The following EDIL3 variants were observed in gnomAD, a reference collection of about 807,000 sequenced individuals.
The protein encoded by EDIL3 is EGF like and discoidin domains 3.
A neutral mutation model predicts 67.4 loss-of-function variants in EDIL3; 37 were observed. The ratio of observed to expected loss-of-function variants is 0.55; its 90% CI spans 0.42 to 0.72. The LOEUF is 0.72. Among genes scored for constraint, EDIL3 ranks in the 30% least tolerant of loss-of-function variants. EDIL3 has a pLI of 0.00. For synonymous variants in EDIL3, 195 were observed against 196.3 expected, an observed-to-expected ratio of 0.99 and a Z score of 0.05; for missense variants, 527 against 586.3, an observed-to-expected ratio of 0.90 and a Z score of 1.04.
chr5:84,128,364 T>C (rs542872830), intron 5 of EDIL3, among the ~76,000 whole-genome samples: 1 of 152,012 alleles, frequency 6.6e-6, no homozygotes, highest in Non-Finnish European at 1.5e-5. Context: ...TCCCGGTGGT[T>C]TGTGCTATAA....
At position 83,963,204 on chromosome 5, in the gene EDIL3, C is replaced by A; in HGVS notation, c.1293+1G>T. 1 of 1,590,366 alleles carries A rather than the reference C, an allele frequency of 6.3e-7. No individual in the cohort carries two copies. Among genetic ancestry groups the A allele is most frequent in the Non-Finnish European group, 8.5e-7 (1 of 1,170,702 alleles). The stretch of plus-strand genomic sequence containing the variant: ...TTTATAAACCGATTTGGCTGACTTA[C>A]CTTATCTTTTCTTTGCTTTTCATCC... On this transcript the variant is annotated splice_donor_variant, in intron 10 of 10. Transcript: ENST00000296591. LOFTEE classifies it high-confidence loss of function.
intron 2 of EDIL3, among the ~76,000 whole-genome samples, chr5:84,244,925 G>A (rs1259159562): frequency 1.3e-5 from 2 of 152,228 alleles, no homozygotes; most frequent in Non-Finnish European, 2.9e-5. Flanking sequence ...TGCAAGGGAT[G>A]TAGGTTGCGT....
In EDIL3 at chr5:84,071,517, A is replaced by G. The variant is rs115008072; in HGVS notation, c.652-4911T>C. Among the ~76,000 whole-genome samples the G allele has an allele frequency of 3.8e-3, 574 of 152,338 alleles. 5 individuals carry two copies. The highest frequency in any genetic ancestry group is 0.013 in the African/African-American group (554 of 41,578). The stretch of plus-strand genomic sequence containing the variant: ...ATATAAATAAGAACCAATTGGTGAT[A>G]CTGGATAATTGGACATAAAAAGATA... On this transcript the variant is annotated intron_variant, in intron 6 of 10. Coordinates refer to ENST00000296591, the MANE Select transcript of EDIL3 (RefSeq NM_005711.5).
At chr5:84,253,904 CAATT>C (rs1219275837) in intron 2 of EDIL3, among the ~76,000 whole-genome samples, 176 bp downstream of exon 2, 1 of 151,788 alleles carries the variant, frequency 6.6e-6, no homozygotes. Flanking sequence ...TTAAAGAACA[CAATT>C]AATATAATTT....
intron 5 of EDIL3, among the ~76,000 whole-genome samples, chr5:84,111,398 C>T (rs564820968): frequency 9.2e-5 from 14 of 152,252 alleles, no homozygotes; most frequent in African/African-American, 1.4e-4. Context: ...TTATCTAATA[C>T]GGATAGGCAA....
chr5:84,267,564 C>A (rs765926240), intron 1 of EDIL3, among the ~76,000 whole-genome samples: 1 of 152,108 alleles, frequency 6.6e-6, no homozygotes, highest in African/African-American at 2.4e-5. Context: ...CTATGGCTTC[C>A]AATCTTCCTT....
At chr5:84,168,747 A>T (rs1204587926) in intron 4 of EDIL3, among the ~76,000 whole-genome samples, 2 of 152,162 alleles carry the variant, frequency 1.3e-5, no homozygotes, top group Non-Finnish European at 2.9e-5. Flanking sequence ...GGTCCAAGCC[A>T]CCATCACCTC....
chr5:84,326,434 A>G (rs981626961), intron 1 of EDIL3, among the ~76,000 whole-genome samples: 2 of 151,994 alleles, frequency 1.3e-5, no homozygotes, highest in Non-Finnish European at 2.9e-5. Flanking sequence ...TCATACAAGA[A>G]GAAAATAATT....
chr5:84,170,375 G>T (rs1748792596), intron 4 of EDIL3, among the ~76,000 whole-genome samples: 3 of 152,148 alleles, frequency 2.0e-5, no homozygotes, highest in African/African-American at 7.2e-5. Context: ...CATTAAAACG[G>T]CTAGGCTTGA....
chr5:84,335,841 G>T (rs1746975358), intron 1 of EDIL3, among the ~76,000 whole-genome samples: 1 of 152,096 alleles, frequency 6.6e-6, no homozygotes, highest in South Asian at 2.1e-4. Flanking sequence ...TCACAGTTCT[G>T]GGGGCTGGGA....
intron 1 of EDIL3, among the ~76,000 whole-genome samples, chr5:84,316,880 T>C (rs903857424): frequency 6.6e-6 from 1 of 152,044 alleles, no homozygotes; most frequent in Non-Finnish European, 1.5e-5. Context: ...CCTCACCAAA[T>C]GTAAAAGAGC....
chr5:84,145,757 T>C (rs1198433591), intron 4 of EDIL3, among the ~76,000 whole-genome samples: 2 of 151,942 alleles, frequency 1.3e-5, no homozygotes, highest in Non-Finnish European at 2.9e-5. Flanking sequence ...AAACAGAGAG[T>C]GTCCATGCAA....
chr5:84,044,460 C>T (rs904696562), intron 9 of EDIL3, among the ~76,000 whole-genome samples: 5 of 151,934 alleles, frequency 3.3e-5, no homozygotes, highest in African/African-American at 1.2e-4. Context: ...AATGCTGATA[C>T]AATTTGTTAT....
At chr5:84,085,337 G>A (rs1747050272) in intron 6 of EDIL3, among the ~76,000 whole-genome samples, 1 of 152,176 alleles carries the variant, frequency 6.6e-6, no homozygotes, top group Non-Finnish European at 1.5e-5. Flanking sequence ...GATCTTTGAG[G>A]CTGATGACCT....
chr5:84,305,642 G>A (rs1746249600), intron 1 of EDIL3, among the ~76,000 whole-genome samples: 1 of 152,190 alleles, frequency 6.6e-6, no homozygotes, highest in South Asian at 2.1e-4. Flanking sequence ...CATTTTGGGA[G>A]GCCAAGACGC....
chr5:83,999,829 C>A (rs1745298382), intron 9 of EDIL3, among the ~76,000 whole-genome samples: 1 of 151,856 alleles, frequency 6.6e-6, no homozygotes, highest in South Asian at 2.1e-4. Context: ...CCAAAGAAAA[C>A]TATCTCAAGA....
chr5:84,203,169 C>G (rs1177437817), intron 3 of EDIL3, among the ~76,000 whole-genome samples: 1 of 152,140 alleles, frequency 6.6e-6, no homozygotes, highest in African/African-American at 2.4e-5. Context: ...CATCTTCAAA[C>G]TATTGAATTT....
At chr5:83,975,867 T>A (rs1294213261) in intron 9 of EDIL3, among the ~76,000 whole-genome samples, 1 of 151,902 alleles carries the variant, frequency 6.6e-6, no homozygotes, top group Non-Finnish European at 1.5e-5. Context: ...ATAAAAAAAC[T>A]ATCCTCATAA....
At chr5:84,304,206 G>A (rs1341476426) in intron 1 of EDIL3, among the ~76,000 whole-genome samples, 2 of 152,132 alleles carry the variant, frequency 1.3e-5, no homozygotes, top group South Asian at 2.1e-4. Flanking sequence ...TAACAGGGGT[G>A]TTTCCTAGGT....
Sources: gnomAD v4.1 joint callset for allele counts (sites outside exome capture counted in the v4.1 genomes callset) on GRCh38, gnomAD v4.1.1 for gene constraint, MANE v1.5 for transcripts, NCBI Gene and HGNC (gene_info 2026-07-23, HGNC 2026-07-21) for gene names.